Variants in MTCL1 observed in about 807,000 individuals in gnomAD.
MTCL1 encodes microtubule cross-linking factor 1.
Under a neutral mutation model 141.4 loss-of-function variants are expected in MTCL1, and 79 were observed. That is an observed-to-expected ratio of 0.56 (90% CI 0.47 to 0.67). The LOEUF is 0.67. Ranked by LOEUF, MTCL1 falls within the 30% of genes least tolerant of loss-of-function variation. The pLI is 0.00. For synonymous variants in MTCL1, 914 were observed against 875.8 expected (o/e 1.04, Z -0.77); for missense variants, 2,177 against 2,113.9 (o/e 1.03, Z -0.59).
At chr18:8,726,069 G>A (rs2096208614) in intron 4 of MTCL1, among the ~76,000 whole-genome samples, 1 of 151,816 alleles carries the variant, frequency 6.6e-6, no homozygotes, top group Admixed American at 6.6e-5. Context: ...GGGATTACAG[G>A]CGTGAGCCAC....
chr18:8,713,038 G>A (rs1286436706), upstream of MTCL1, among the ~76,000 whole-genome samples: 5 of 151,956 alleles, frequency 3.3e-5, no homozygotes. Context: ...ATATATTCAT[G>A]GATAAAACTA....
rs59041416 is a variant in MTCL1, at chr18:8,710,837, CTTTTT to C, written c.1053+4140_1053+4144del. Among the ~76,000 whole-genome samples the C allele has an allele frequency of 7.3e-3, 590 of 80,946 alleles. 1 individual carries two copies. Among genetic ancestry groups the C allele is most frequent in the African/African-American group, 0.025 (529 of 20,820 alleles). 53.1% of individuals were successfully genotyped at this position (80,946 alleles called of 152,430 possible). A position where few individuals can be genotyped will look rare whatever the true frequency, so the allele number is the denominator to read the frequency against. Reference sequence around the variant, plus strand: ...TTTGAATTTTGGTATGGAAGGCTTTCTTTTTTTTTTTTTTTTTTTTAATCTGTTTT... The same window carrying C: ...TTTGAATTTTGGTATGGAAGGCTTTCTTTTTTTTTTTTTTTAATCTGTTTT... On this transcript the variant is annotated intron_variant, in intron 1 of 13. Coordinates refer to the MTCL1 transcript ENST00000306329.
At chr18:8,784,121 G>A (rs779675851) in exon 6 of MTCL1, 3 of 1,613,468 alleles carry the variant, frequency 1.9e-6, no homozygotes, top group Non-Finnish European at 2.5e-6. Flanking sequence ...CCTGCAGGAG[G>A]AGCTGAAGTC....
chr18:8,751,127 G>A (rs996665067), intron 4 of MTCL1, among the ~76,000 whole-genome samples: 2 of 152,208 alleles, frequency 1.3e-5, no homozygotes, highest in Admixed American at 1.3e-4. Flanking sequence ...TCCGCACATG[G>A]ACTGTGTCTG....
chr18:8,714,195 A>G (rs147431830), upstream of MTCL1, among the ~76,000 whole-genome samples: 133 of 152,128 alleles, frequency 8.7e-4, no homozygotes, highest in Non-Finnish European at 1.8e-3. Flanking sequence ...GAAAGCAGAC[A>G]GGCCTGGGTT....
At chr18:8,737,151 A>G (rs909976203) in intron 4 of MTCL1, among the ~76,000 whole-genome samples, 4 of 152,190 alleles carry the variant, frequency 2.6e-5, no homozygotes, top group African/African-American at 7.2e-5. Flanking sequence ...ACTGTGCAGT[A>G]AAGTTCTGGA....
intron 7 of MTCL1, among the ~76,000 whole-genome samples, chr18:8,792,372 G>A (rs1313969456): frequency 3.3e-5 from 5 of 152,186 alleles, no homozygotes; most frequent in Non-Finnish European, 7.3e-5. Context: ...AACGTAGTAA[G>A]TACATCTTTG....
chr18:8,775,532 C>G (rs532088424), intron 4 of MTCL1, among the ~76,000 whole-genome samples: 1 of 152,220 alleles, frequency 6.6e-6, no homozygotes, highest in African/African-American at 2.4e-5. Flanking sequence ...GAGATTGCAC[C>G]ACTGCACTCC....
intron 8 of MTCL1, among the ~76,000 whole-genome samples, chr18:8,793,385 T>A (rs1442128241): frequency 2.6e-5 from 4 of 152,172 alleles, no homozygotes; most frequent in African/African-American, 9.7e-5. Context: ...TAAACTTTCC[T>A]GCAGCAATAC....
chr18:8,755,766 T>C (rs2096394545), intron 4 of MTCL1, among the ~76,000 whole-genome samples: 1 of 152,078 alleles, frequency 6.6e-6, no homozygotes, highest in Non-Finnish European at 1.5e-5. Flanking sequence ...GAGGATGTGG[T>C]TTTGGAGGTT....
At chr18:8,731,061 C>T (rs535273234) in intron 4 of MTCL1, among the ~76,000 whole-genome samples, 14 of 151,710 alleles carry the variant, frequency 9.2e-5, no homozygotes, top group South Asian at 6.3e-4. Context: ...CTGGCTAACA[C>T]GGTGAAACCC....
chr18:8,807,798 C>A (rs893334138), intron 11 of MTCL1, among the ~76,000 whole-genome samples: 1 of 152,136 alleles, frequency 6.6e-6, no homozygotes, highest in Admixed American at 6.5e-5. Context: ...GAGCGTCTCT[C>A]GAGGTTTCTT....
At position 8,786,110 on chromosome 18, in the gene MTCL1, T is replaced by TACC; in HGVS notation, c.1887+19_1887+20insACC. On this transcript the variant is annotated intron_variant, in intron 7 of 16. Transcript: ENST00000359865. ...CCTGGAGGTCAGCGTGGGCAAGCAA[T>TACC]CCCCCCCCCCCGCCCTCCCCCTCCT... The TACC allele has an allele frequency of 6.9e-6, 9 of 1,310,344 alleles. No homozygotes were observed. Among genetic ancestry groups the TACC allele is most frequent in the South Asian group, 2.6e-5 (2 of 77,210 alleles). The allele number at this position is 1,310,344 out of a possible 1,614,324, so 81.2% of individuals were successfully genotyped here.
At chr18:8,751,482 T>C (rs1024977608) in intron 4 of MTCL1, among the ~76,000 whole-genome samples, 3 of 152,238 alleles carry the variant, frequency 2.0e-5, no homozygotes, top group Non-Finnish European at 4.4e-5. Context: ...TGGTATTGTT[T>C]TGGGACAAGA....
rs1323058875 is a variant in MTCL1, at chr18:8,828,044, A to G, written c.4723-864A>G. The stretch of plus-strand genomic sequence containing the variant: ...CTAAATGCCACGGGCTCTTTTTTCC[A>G]TTTCTGTTGGAATTTTCCTCGTTCT... On this transcript the variant is annotated intron_variant, in intron 15 of 16. Coordinates refer to ENST00000359865, the Ensembl canonical transcript of MTCL1. This position sits in a 1 kb window ranked among gnomAD's most constrained non-coding sequence, Gnocchi z 5.2. 6.6e-6 allele frequency among the ~76,000 whole-genome samples: 1 copy of G among 151,958 alleles called. No homozygotes were observed. The highest frequency in any genetic ancestry group is 1.5e-5 in the Non-Finnish European group (1 of 67,990).
At chr18:8,709,901 G>A (rs1033987375) in intron 1 of MTCL1, among the ~76,000 whole-genome samples, 2 of 152,078 alleles carry the variant, frequency 1.3e-5, no homozygotes, top group African/African-American at 4.8e-5. Context: ...ATGCAGTGGC[G>A]TGATCTCGGC....
At chr18:8,792,386 G>A (rs12326181) in intron 7 of MTCL1, among the ~76,000 whole-genome samples, 36,346 of 152,078 alleles carry the variant, frequency 0.24, 5,097 homozygotes, top group African/African-American at 0.37. Flanking sequence ...ATCTTTGTGC[G>A]ATTCCCTGTA....
intron 4 of MTCL1, among the ~76,000 whole-genome samples, chr18:8,735,455 G>A (rs73939517): frequency 0.017 from 2,600 of 152,250 alleles, 92 homozygotes; most frequent in African/African-American, 0.06. Context: ...CGGAATGTGG[G>A]TGGTCTCTGA....
chr18:8,725,851 A>G (rs9954150), intron 4 of MTCL1, among the ~76,000 whole-genome samples: 58,438 of 137,154 alleles, frequency 0.43, 12,877 homozygotes, highest in Admixed American at 0.58. Context: ...GTGCAGTGGC[A>G]CGATCTCGGC....
Sources: gnomAD v4.1 joint callset for allele counts (sites outside exome capture counted in the v4.1 genomes callset) on GRCh38, gnomAD v4.1.1 for gene constraint, Gnocchi (gnomAD v3.1) non-coding constraint, MANE v1.5 for transcripts, NCBI Gene and HGNC (gene_info 2026-07-23, HGNC 2026-07-21) for gene names.